Variants in SF3B3 observed in about 807,000 individuals in gnomAD.
The protein encoded by SF3B3 is SAP 130.
In SF3B3, 33 loss-of-function variants were observed where a neutral mutation model predicts 139.2. The ratio of observed to expected loss-of-function variants is 0.24; its 90% CI spans 0.18 to 0.32. The LOEUF (loss-of-function observed/expected upper bound fraction) is 0.32, where lower values mean the gene tolerates loss of function less well. Ranked by LOEUF, SF3B3 falls within the 10% of genes least tolerant of loss-of-function variation. The pLI, the probability that SF3B3 is intolerant of heterozygous loss-of-function variation, is 1.00. For missense variants in SF3B3, 818 were observed against 1,509.4 expected (o/e 0.54, Z 7.59); for synonymous variants, 596 against 563.6 (o/e 1.06, Z -0.81).
At chr16:70,569,740 C>T (rs1440305874) in intron 23 of SF3B3, among the ~76,000 whole-genome samples, 1 of 152,164 alleles carries the variant, frequency 6.6e-6, no homozygotes, top group Non-Finnish European at 1.5e-5. Context: ...AGTGATCCTT[C>T]CCACTCAGCC....
At position 70,570,154 on chromosome 16, in the gene SF3B3, G is replaced by C. The variant is rs1363280137; in HGVS notation, c.3408+5G>C. ...GTGCCATTCACGTCCCATGAGGTGA[G>C]AGCGCCCACATTACTCTGGCCTTGA... On this transcript the variant is annotated splice_donor_5th_base_variant and intron_variant, in intron 24 of 25. Transcript: ENST00000302516. The C allele has an allele frequency of 6.2e-7, 1 of 1,614,052 alleles. No individual in the cohort carries two copies. Among genetic ancestry groups the C allele is most frequent in the Non-Finnish European group, 8.5e-7 (1 of 1,179,956 alleles).
intron 5 of SF3B3, among the ~76,000 whole-genome samples, chr16:70,533,671 T>C (rs2050141652): frequency 6.6e-6 from 1 of 152,258 alleles, no homozygotes; most frequent in East Asian, 1.9e-4. Context: ...ACATTTGTGG[T>C]CATCTGCATT....
chr16:70,541,320 G>A (rs2050217426), intron 8 of SF3B3, among the ~76,000 whole-genome samples: 1 of 152,042 alleles, frequency 6.6e-6, no homozygotes, highest in Admixed American at 6.6e-5. Flanking sequence ...TATGTGTTCT[G>A]GGTACTAGAC....
chr16:70,569,261 C>T (rs893017979), intron 23 of SF3B3, 120 bp downstream of exon 23: 22 of 646,752 alleles, frequency 3.4e-5, no homozygotes, highest in African/African-American at 1.5e-4. Flanking sequence ...GAGTGCTGTC[C>T]GTCCACAGTC....
chr16:70,530,701 T>G (rs1324150751), intron 3 of SF3B3, 44 bp from the exon 4 acceptor site: 24 of 1,519,600 alleles, frequency 1.6e-5, no homozygotes, highest in Non-Finnish European at 2.2e-5. Context: ...GTCTCTCTTC[T>G]CATTATCTGG....
chr16:70,571,077 T>C lies in SF3B3; in HGVS notation c.3409-18T>C. ...TGAAATCACTTCTCAGTGACAGATT[T>C]TTTGTTTCTTCTGCCAGGACCATGA... is the stretch of plus-strand genomic sequence containing the variant. On this transcript the variant is annotated intron_variant, in intron 24 of 25. Coordinates refer to ENST00000302516, the MANE Select transcript of SF3B3 (RefSeq NM_012426.5). 1 of 1,589,890 alleles carries C rather than the reference T, an allele frequency of 6.3e-7. No homozygotes were observed. Among genetic ancestry groups the C allele is most frequent in the Non-Finnish European group, 8.6e-7 (1 of 1,158,020 alleles).
chr16:70,551,797 G>C (rs558296901), intron 11 of SF3B3, among the ~76,000 whole-genome samples: 1 of 152,190 alleles, frequency 6.6e-6, no homozygotes, highest in South Asian at 2.1e-4. Context: ...TCCCTCCCCA[G>C]CCTCCCAAAG....
At chr16:70,547,069 A>G (rs1262703992) in intron 10 of SF3B3, among the ~76,000 whole-genome samples, 2 of 152,136 alleles carry the variant, frequency 1.3e-5, no homozygotes, top group Non-Finnish European at 2.9e-5. Context: ...ACGTTGCTTT[A>G]TTCCTTTATG....
intron 7 of SF3B3, 50 bp from the exon 8 acceptor site, chr16:70,539,054 G>A (rs372041866): frequency 2.8e-5 from 36 of 1,270,340 alleles, no homozygotes; most frequent in Admixed American, 8.4e-5. Flanking sequence ...CTTATAATAC[G>A]GGGCTCACTT....
intron 23 of SF3B3, 31 bp downstream of exon 23, chr16:70,569,172 C>T (rs1193396455): frequency 7.0e-7 from 1 of 1,437,702 alleles, no homozygotes; most frequent in Non-Finnish European, 9.7e-7. Context: ...CCAGGGAGAA[C>T]ACTGCTTAGC....
chr16:70,553,113 G>A (rs2050343136), intron 11 of SF3B3, among the ~76,000 whole-genome samples: 1 of 152,118 alleles, frequency 6.6e-6, no homozygotes, highest in South Asian at 2.1e-4. Flanking sequence ...GTAGAGATGG[G>A]GTTTCACCCT....
At chr16:70,554,802 T>G (rs956698385) in intron 12 of SF3B3, among the ~76,000 whole-genome samples, 3 of 152,240 alleles carry the variant, frequency 2.0e-5, no homozygotes, top group African/African-American at 7.2e-5. Context: ...CTTTCATCTC[T>G]AATAAAGATC....
At chr16:70,548,143 G>A (rs1024185931) in intron 10 of SF3B3, among the ~76,000 whole-genome samples, 2 of 152,156 alleles carry the variant, frequency 1.3e-5, no homozygotes, top group African/African-American at 4.8e-5. Context: ...TGCAGCAACT[G>A]TACCCTCTCA....
chr16:70,543,307 G>A (rs1489768298), intron 9 of SF3B3, among the ~76,000 whole-genome samples: 1 of 151,986 alleles, frequency 6.6e-6, no homozygotes, highest in Admixed American at 6.6e-5. Flanking sequence ...CTACTTAGGA[G>A]GCCGAGGCAA....
At chr16:70,560,657 C>G (rs2050420307) in intron 16 of SF3B3, 66 bp downstream of exon 16, 2 of 1,565,448 alleles carry the variant, frequency 1.3e-6, no homozygotes, top group Admixed American at 1.7e-5. Flanking sequence ...TGAGAACAAT[C>G]TTTGCTGTAA....
chr16:70,528,654 G>T (rs769520105), intron 2 of SF3B3, among the ~76,000 whole-genome samples: 6 of 151,940 alleles, frequency 3.9e-5, no homozygotes, highest in African/African-American at 1.5e-4. Context: ...GTTTTGCTCT[G>T]TTGCCCAGGC....
chr16:70,569,848 A>G, intron 23 of SF3B3, 158 bp from the exon 24 acceptor site: 1 of 769,370 alleles, frequency 1.3e-6, no homozygotes, highest in Non-Finnish European at 2.1e-6. Context: ...GCTGGTCTTG[A>G]AATCCTGGGC....
intron 7 of SF3B3, among the ~76,000 whole-genome samples, 189 bp from the exon 8 acceptor site, chr16:70,538,915 A>C (rs1296680212): frequency 6.6e-6 from 1 of 152,036 alleles, no homozygotes; most frequent in Non-Finnish European, 1.5e-5. Flanking sequence ...CAATTACTCA[A>C]CTCTGCCATT....
intron 11 of SF3B3, among the ~76,000 whole-genome samples, chr16:70,551,824 C>T (rs1438156615): frequency 6.6e-6 from 1 of 152,142 alleles, no homozygotes; most frequent in Non-Finnish European, 1.5e-5. Flanking sequence ...AACCACCGTG[C>T]CCAGCTTGGA....
Sources: allele counts gnomAD v4.1 joint callset (sites outside exome capture counted in the v4.1 genomes callset), GRCh38; gene constraint gnomAD v4.1.1; transcripts MANE v1.5; gene names NCBI Gene and HGNC (gene_info 2026-07-23, HGNC 2026-07-21).